Variants in SNX25 observed in about 807,000 individuals in gnomAD.
The protein encoded by SNX25 is sorting nexin-25.
A neutral mutation model predicts 113.7 loss-of-function variants in SNX25; 62 were observed. The observed-to-expected ratio is 0.55, with a 90% confidence interval of 0.44 to 0.67. SNX25 has a LOEUF of 0.67. Ranked by LOEUF, SNX25 falls within the 30% of genes least tolerant of loss-of-function variation. The pLI is 0.00. For missense variants in SNX25, 1,014 were observed against 1,161.0 expected (o/e 0.87, Z 1.84); for synonymous variants, 421 against 436.2 (o/e 0.97, Z 0.43).
intron 6 of SNX25, among the ~76,000 whole-genome samples, chr4:185,292,866 G>T (rs1210353901): frequency 6.6e-6 from 1 of 152,162 alleles, no homozygotes; most frequent in African/African-American, 2.4e-5. Context: ...AATGAGCTGT[G>T]ATCATACCAC....
At chr4:185,335,958 C>T (rs1332674041) in intron 10 of SNX25, among the ~76,000 whole-genome samples, 2 of 152,136 alleles carry the variant, frequency 1.3e-5, no homozygotes, top group Admixed American at 1.3e-4. Flanking sequence ...TGTAGGCTTT[C>T]TGAGGAAGGA....
At chr4:185,314,705 A>G (rs2095057079) in intron 7 of SNX25, among the ~76,000 whole-genome samples, 1 of 151,038 alleles carries the variant, frequency 6.6e-6, no homozygotes, top group Admixed American at 6.6e-5. Flanking sequence ...TAAAAATACA[A>G]AAATTAGCTG....
At chr4:185,277,664 TAATAAAACTAATGAA>T (rs1010019975) in intron 5 of SNX25, among the ~76,000 whole-genome samples, 6 of 148,612 alleles carry the variant, frequency 4.0e-5, no homozygotes, top group Non-Finnish European at 8.9e-5. Context: ...GCATATGTAA[TAATAAAACTAATGAA>T]TAAAGTTATT....
intron 16 of SNX25, among the ~76,000 whole-genome samples, chr4:185,359,610 A>G (rs1453439919): frequency 2.0e-5 from 3 of 152,176 alleles, no homozygotes; most frequent in African/African-American, 7.2e-5. Flanking sequence ...CCTGGCCAAC[A>G]TGACAAAACC....
At chr4:185,238,952 A>G (rs1195998061) in intron 1 of SNX25, among the ~76,000 whole-genome samples, 1 of 152,114 alleles carries the variant, frequency 6.6e-6, no homozygotes, top group Admixed American at 6.5e-5. Context: ...GCTGGATTCC[A>G]GGGAGTTCCT....
chr4:185,335,353 CACACAA>C (rs1248567379), intron 10 of SNX25, among the ~76,000 whole-genome samples: 23 of 148,900 alleles, frequency 1.5e-4, no homozygotes, highest in Admixed American at 1.5e-3. Flanking sequence ...CACACACACA[CACACAA>C]CAAAAACAAA....
chr4:185,313,996 G>T (rs1352009861), intron 7 of SNX25, among the ~76,000 whole-genome samples: 3 of 152,088 alleles, frequency 2.0e-5, no homozygotes, highest in African/African-American at 7.2e-5. Context: ...GTTTTCATCC[G>T]CATCATCTTC....
chr4:185,363,262 T>G lies in SNX25; in HGVS notation c.2935-123T>G. On this transcript the variant is annotated intron_variant, in intron 18 of 18. Coordinates refer to ENST00000652585, the MANE Select transcript of SNX25 (RefSeq NM_001378034.2). The surrounding 1 kb of genome is among the most constrained non-coding windows in gnomAD (Gnocchi z 4.2). ...CCAATATTAAATACTGTTTGAGAGT[T>G]ACTTGTTTACTGAGATAATTTCAGA... The G allele has an allele frequency of 1.3e-6, 1 of 785,686 alleles. No individual in the cohort carries two copies. Among genetic ancestry groups the G allele is most frequent in the Middle Eastern group, 2.6e-4 (1 of 3,866 alleles). The allele number at this position is 785,686 out of a possible 1,614,324, so 48.7% of individuals were successfully genotyped here.
chr4:185,288,148 C>A, intron 6 of SNX25, 66 bp downstream of exon 6: 1 of 1,289,614 alleles, frequency 7.8e-7, no homozygotes, highest in South Asian at 1.3e-5. Context: ...GGCCTTCTCC[C>A]ACCTGTCAGA....
At chr4:185,206,959 A>G (rs1737213765), upstream of SNX25, among the ~76,000 whole-genome samples, 1 of 152,176 alleles carries the variant, frequency 6.6e-6, no homozygotes, top group African/African-American at 2.4e-5. Context: ...TCTCAACGCC[A>G]GAGCCTGGAG....
upstream of SNX25, among the ~76,000 whole-genome samples, chr4:185,206,783 A>G (rs537202129): frequency 2.1e-4 from 32 of 152,206 alleles, no homozygotes; most frequent in African/African-American, 7.7e-4. Context: ...TTACATGATT[A>G]TGGAGGCTGA....
In SNX25 at chr4:185,247,351, C is replaced by G; in HGVS notation, c.487C>G (p.His163Asp). 6.2e-7 allele frequency: 1 copy of G among 1,608,730 alleles called. No homozygotes were observed. Among genetic ancestry groups the G allele is most frequent in the Non-Finnish European group, 8.5e-7 (1 of 1,175,864 alleles). ...SAQSRRVVIS[H>D]NMDKALKEVF... ...TCAGTCTAGAAGGGTAGTAATTTCT[C>G]ATAATATGGATAAAGCTCTGAAAGA... Residue 163 changes from histidine (H) to aspartate (D), a missense_variant, in exon 2 of 19, where the codon CAT (histidine) becomes GAT (aspartate). Transcript: ENST00000652585.
chr4:185,235,967 T>G (rs772178450), intron 1 of SNX25, among the ~76,000 whole-genome samples: 6 of 152,200 alleles, frequency 3.9e-5, no homozygotes, highest in Non-Finnish European at 8.8e-5. Context: ...TCAGTACAGA[T>G]GTACTGACAG....
intron 1 of SNX25, among the ~76,000 whole-genome samples, chr4:185,222,673 G>A (rs908678890): frequency 2.0e-5 from 3 of 152,226 alleles, no homozygotes; most frequent in Non-Finnish European, 1.5e-5. Flanking sequence ...TATGAAGGCA[G>A]AAACTTCCCT....
At chr4:185,272,187 G>T (rs1749025981) in intron 5 of SNX25, among the ~76,000 whole-genome samples, 1 of 152,198 alleles carries the variant, frequency 6.6e-6, no homozygotes, top group Non-Finnish European at 1.5e-5. Flanking sequence ...CTTGGTTCCG[G>T]ATATTAAAGG....
intron 1 of SNX25, among the ~76,000 whole-genome samples, chr4:185,212,491 G>GTGTTTCTGTTTTTTTT (rs546083196): frequency 9.5e-6 from 1 of 104,944 alleles, no homozygotes; most frequent in African/African-American, 3.7e-5. Flanking sequence ...GTGTGTGTGT[G>GTGTTTCTGTTTTTTTT]TTTTTTTTTT....
At chr4:185,366,798 A>G (rs527739220), downstream of SNX25, 129 of 154,750 alleles carry the variant, frequency 8.3e-4, no homozygotes, top group Non-Finnish European at 1.5e-3. Flanking sequence ...TAAACTTTCA[A>G]ATGATGGTTT....
the SNX25 span, chr4:185,375,488 A>ATATATATATATATG: frequency 2.3e-4 from 2 of 8,606 alleles, no homozygotes; most frequent in Non-Finnish European, 2.2e-4. Flanking sequence ...AAAAAAAAAA[A>ATATATATATATATG]TATATATATA....
intron 7 of SNX25, among the ~76,000 whole-genome samples, chr4:185,319,128 A>T (rs1241813543): frequency 4.3e-5 from 5 of 115,146 alleles, no homozygotes; most frequent in Non-Finnish European, 5.4e-5. Context: ...GACATATCAT[A>T]TTTATTCATA....
Sources: allele counts gnomAD v4.1 joint callset (sites outside exome capture counted in the v4.1 genomes callset), GRCh38; gene constraint gnomAD v4.1.1; non-coding constraint Gnocchi (gnomAD v3.1); transcripts MANE v1.5; gene names NCBI Gene and HGNC (gene_info 2026-07-23, HGNC 2026-07-21).